The following MAPDA variants were observed in gnomAD, a reference collection of about 807,000 sequenced individuals.
MAPDA encodes N6,N6-dimethyl-AMP deaminase.
the MAPDA span, among the ~76,000 whole-genome samples, chr15:43,341,138 C>T: frequency 0.023 from 3,449 of 152,214 alleles, 147 homozygotes; most frequent in African/African-American, 0.08. Context: ...GTTTATGACC[C>T]AAAGAGACCT....
chr15:43,352,740 C>T, the MAPDA span: 1 of 152,190 alleles, frequency 6.6e-6, no homozygotes, highest in Non-Finnish European at 1.5e-5. Context: ...ATCCCAAGAC[C>T]ATTGACACCA....
chr15:43,351,059 AAGTATTTTGCTCC>A, the MAPDA span: 1 of 1,548,864 alleles, frequency 6.5e-7, no homozygotes, highest in Non-Finnish European at 8.7e-7. Flanking sequence ...GTTCCGTGTG[AAGTATTTTGCTCC>A]TTTTTGCTCC....
the MAPDA span, chr15:43,330,354 C>G: frequency 1.2e-6 from 2 of 1,603,966 alleles, no homozygotes; most frequent in Non-Finnish European, 8.5e-7. Flanking sequence ...GCGCGGCGCG[C>G]CGCGCCCGGA....
chr15:43,338,371 G>A, the MAPDA span, among the ~76,000 whole-genome samples: 1 of 152,304 alleles, frequency 6.6e-6, no homozygotes, highest in East Asian at 1.9e-4. Context: ...TTGGAGTGTG[G>A]CTGAAAAAAT....
chr15:43,335,911 T>C, the MAPDA span: 8 of 1,512,912 alleles, frequency 5.3e-6, no homozygotes, highest in Admixed American at 2.1e-5. Flanking sequence ...AATTCAGATT[T>C]TGGTAAACAG....
chr15:43,334,970 T>TA, the MAPDA span: 1 of 692,936 alleles, frequency 1.4e-6, no homozygotes, highest in Non-Finnish European at 2.4e-6. Flanking sequence ...GATCTACACA[T>TA]ACAGCTAATC....
the MAPDA span, among the ~76,000 whole-genome samples, chr15:43,338,284 T>C: frequency 6.6e-6 from 1 of 152,196 alleles, no homozygotes; most frequent in Non-Finnish European, 1.5e-5. Context: ...TAAGAGATTG[T>C]AAATGTAGAA....
chr15:43,345,369 A>AAAAAAAAAG, the MAPDA span, among the ~76,000 whole-genome samples: 1 of 145,024 alleles, frequency 6.9e-6, no homozygotes, highest in Non-Finnish European at 1.5e-5. Context: ...AAAAAAAAAA[A>AAAAAAAAAG]AAATAGGACA....
the MAPDA span, chr15:43,342,877 A>G: frequency 2.8e-6 from 2 of 712,228 alleles, no homozygotes; most frequent in South Asian, 2.0e-5. Flanking sequence ...CTCATCTTTA[A>G]CTATGCCCTT....
At chr15:43,347,657 C>A in the MAPDA span, among the ~76,000 whole-genome samples, 1 of 152,120 alleles carries the variant, frequency 6.6e-6, no homozygotes, top group African/African-American at 2.4e-5. Context: ...TGCAATTTTC[C>A]CCATTTTATA....
the MAPDA span, among the ~76,000 whole-genome samples, chr15:43,341,006 G>A: frequency 9.2e-5 from 14 of 152,290 alleles, no homozygotes; most frequent in South Asian, 2.3e-3. Flanking sequence ...CCAGGAGCAA[G>A]CTGTGATGTG....
the MAPDA span, among the ~76,000 whole-genome samples, chr15:43,341,676 C>A: frequency 5.9e-5 from 9 of 151,832 alleles, no homozygotes; most frequent in East Asian, 1.7e-3. Flanking sequence ...CCCCCCACCT[C>A]TATGGGCTCC....
At chr15:43,348,162 G>A in the MAPDA span, among the ~76,000 whole-genome samples, 1 of 152,166 alleles carries the variant, frequency 6.6e-6, no homozygotes, top group Non-Finnish European at 1.5e-5. Flanking sequence ...GGGCTATCTA[G>A]GAGATAAAGA....
chr15:43,343,025 A>G, the MAPDA span: 1 of 1,591,750 alleles, frequency 6.3e-7, no homozygotes, highest in East Asian at 2.3e-5. Flanking sequence ...TGGAATCTAT[A>G]CTTGAAGGTA....
At chr15:43,340,425 GGGAAT>G in the MAPDA span, 1 of 1,306,460 alleles carries the variant, frequency 7.7e-7, no homozygotes, top group Non-Finnish European at 1.1e-6. Context: ...GTTTGTGAGT[GGGAAT>G]ATGAAGCACT....
the MAPDA span, chr15:43,347,178 C>A: frequency 2.6e-6 from 3 of 1,144,534 alleles, no homozygotes; most frequent in Non-Finnish European, 3.8e-6. Flanking sequence ...AGGAATAAAC[C>A]GGGATTGGAA....
the MAPDA span, chr15:43,351,116 G>GCTGA: frequency 1.4e-6 from 2 of 1,382,422 alleles, no homozygotes; most frequent in South Asian, 2.5e-5. Context: ...TCACTATCTA[G>GCTGA]CTGACTGCCT....
At chr15:43,351,534 T>C in the MAPDA span, 1 of 531,650 alleles carries the variant, frequency 1.9e-6, no homozygotes, top group South Asian at 3.0e-5. Context: ...TTAGGTAATT[T>C]TAATATCCAG....
At chr15:43,342,050 G>T in the MAPDA span, among the ~76,000 whole-genome samples, 1 of 152,120 alleles carries the variant, frequency 6.6e-6, no homozygotes, top group African/African-American at 2.4e-5. Flanking sequence ...TGTTGGCCAG[G>T]GTGGTCTCGA....
Sources: gnomAD v4.1 joint callset for allele counts (sites outside exome capture counted in the v4.1 genomes callset) on GRCh38, gnomAD v4.1.1 for gene constraint, MANE v1.5 for transcripts, NCBI Gene and HGNC (gene_info 2026-07-23, HGNC 2026-07-21) for gene names.